Variants in ELFN1 observed in about 807,000 individuals in gnomAD.
ELFN1 encodes extracellular leucine rich repeat and fibronectin type III domain containing 1.
ELFN1 carries 6 observed loss-of-function variants against 7.6 expected under a neutral mutation model. That is an observed-to-expected ratio of 0.79 (90% CI 0.43 to 1.56). ELFN1 has a LOEUF of 1.56. Ranked by LOEUF, ELFN1 falls within the 40% of genes most tolerant of loss-of-function variation. The probability of loss-of-function intolerance (pLI) is 0.01; values close to 1 mark genes in which losing one functional copy is unlikely to be tolerated. For missense variants in ELFN1, 1,169 were observed against 1,232.2 expected (o/e 0.95, Z 0.77); for synonymous variants, 657 against 588.1 (o/e 1.12, Z -1.70).
At chr7:1,667,830 C>G (rs1248317643), upstream of ELFN1, among the ~76,000 whole-genome samples, 1 of 152,130 alleles carries the variant, frequency 6.6e-6, no homozygotes, top group Non-Finnish European at 1.5e-5. The surrounding 1 kb of genome is among the most constrained non-coding windows in gnomAD (Gnocchi z 8.2). Context: ...GGGCCCCGGA[C>G]AGATGTCCTC....
At position 1,688,144 on chromosome 7, in the gene ELFN1, A is replaced by G. The variant is rs1055000251; in HGVS notation, c.-462A>G. The G allele has an allele frequency of 6.7e-6, 1 of 148,708 alleles. No homozygotes were observed. Among genetic ancestry groups the G allele is most frequent in the Non-Finnish European group, 1.5e-5 (1 of 67,696 alleles). The allele number at this position is 148,708 out of a possible 1,614,324, so 9.2% of individuals were successfully genotyped here. ...TACGTTGGTCTCCCAAAGTGCTGGG[A>G]TTACAGGTATGAGCCACTGCACCTG... On this transcript the variant is annotated 5_prime_UTR_variant, in exon 2 of 4. Transcript: ENST00000424383.
At chr7:1,721,740 G>A (rs1410031182) in intron 3 of ELFN1, among the ~76,000 whole-genome samples, 1 of 152,178 alleles carries the variant, frequency 6.6e-6, no homozygotes, top group East Asian at 1.9e-4. Flanking sequence ...CAAAACCATC[G>A]CTCACGATCT....
At chr7:1,676,430 TG>T (rs1778873055) in intron 1 of ELFN1, among the ~76,000 whole-genome samples, 1 of 152,056 alleles carries the variant, frequency 6.6e-6, no homozygotes, top group Admixed American at 6.5e-5. Context: ...TGACCTGAGG[TG>T]GGTCCCTTCC....
chr7:1,679,847 G>A (rs1365191059), intron 1 of ELFN1, among the ~76,000 whole-genome samples: 2 of 152,212 alleles, frequency 1.3e-5, no homozygotes, highest in African/African-American at 2.4e-5. Flanking sequence ...TCCTCTGAAA[G>A]CCCCATTGTG....
At chr7:1,736,906 C>T (rs1367161422) in intron 3 of ELFN1, among the ~76,000 whole-genome samples, 1 of 152,046 alleles carries the variant, frequency 6.6e-6, no homozygotes, top group African/African-American at 2.4e-5. Flanking sequence ...ACTCTCTCCT[C>T]CCACCCCTTC....
intron 3 of ELFN1, among the ~76,000 whole-genome samples, chr7:1,714,220 C>T (rs1779758508): frequency 6.6e-6 from 1 of 152,180 alleles, no homozygotes; most frequent in Admixed American, 6.5e-5. Flanking sequence ...AACCCATCGC[C>T]TGTCTCCAGG....
At chr7:1,675,970 G>T (rs754492144) in intron 1 of ELFN1, among the ~76,000 whole-genome samples, 2 of 152,186 alleles carry the variant, frequency 1.3e-5, no homozygotes, top group Non-Finnish European at 2.9e-5. Context: ...TCTCCTGGGC[G>T]TGGACTCTGG....
chr7:1,700,298 A>G (rs79055096), intron 2 of ELFN1, among the ~76,000 whole-genome samples: 15,606 of 152,258 alleles, frequency 0.1, 836 homozygotes, highest in Middle Eastern at 0.15. Context: ...GACCACAGTC[A>G]GGGTGAAGAC....
chr7:1,721,048 A>G (rs1447255774), intron 3 of ELFN1, among the ~76,000 whole-genome samples: 1 of 152,238 alleles, frequency 6.6e-6, no homozygotes, highest in Admixed American at 6.5e-5. Flanking sequence ...GTTTAATAAC[A>G]TGTTTAAATA....
chr7:1,723,326 CA>C (rs1780081155), intron 3 of ELFN1, among the ~76,000 whole-genome samples: 1 of 152,244 alleles, frequency 6.6e-6, no homozygotes, highest in Admixed American at 6.5e-5. Context: ...TATCGTGACA[CA>C]TTTTGTATAC....
chr7:1,730,939 A>C (rs1343678697), intron 3 of ELFN1, among the ~76,000 whole-genome samples: 1 of 152,220 alleles, frequency 6.6e-6, no homozygotes, highest in Non-Finnish European at 1.5e-5. Context: ...GACTTAATAT[A>C]AAAATTTAAT....
chr7:1,730,485 G>A (rs533740369), intron 3 of ELFN1, among the ~76,000 whole-genome samples: 1 of 152,300 alleles, frequency 6.6e-6, no homozygotes, highest in African/African-American at 2.4e-5. Context: ...ATAAGAATCG[G>A]CCATGATTAT....
intron 3 of ELFN1, among the ~76,000 whole-genome samples, chr7:1,738,478 C>G (rs1269470526): frequency 6.6e-6 from 1 of 152,126 alleles, no homozygotes; most frequent in Non-Finnish European, 1.5e-5. Context: ...TGACATACAC[C>G]TGTAATCCCA....
intron 3 of ELFN1, among the ~76,000 whole-genome samples, chr7:1,717,398 G>A (rs28453774): frequency 0.023 from 3,443 of 152,298 alleles, 141 homozygotes; most frequent in African/African-American, 0.079. Context: ...CGCAGTTCCA[G>A]GCTTGCTCAG....
chr7:1,686,265 C>T (rs1779060782), intron 1 of ELFN1, among the ~76,000 whole-genome samples: 1 of 150,664 alleles, frequency 6.6e-6, no homozygotes, highest in Non-Finnish European at 1.5e-5. Context: ...ATTCATTTTC[C>T]CCTGATGTGT....
At chr7:1,722,424 G>A (rs192018534) in intron 3 of ELFN1, among the ~76,000 whole-genome samples, 21 of 152,028 alleles carry the variant, frequency 1.4e-4, no homozygotes, top group South Asian at 2.1e-4. Context: ...CTGCCACCAC[G>A]CCTGGCTAAT....
intron 3 of ELFN1, among the ~76,000 whole-genome samples, chr7:1,711,541 G>A (rs1359921351): frequency 7.3e-6 from 1 of 136,212 alleles, no homozygotes; most frequent in African/African-American, 2.8e-5. Flanking sequence ...AGAGAGACAT[G>A]GGAAGGAAAA....
intron 3 of ELFN1, among the ~76,000 whole-genome samples, chr7:1,736,465 T>C (rs796537739): frequency 2.2e-4 from 33 of 152,350 alleles, no homozygotes; most frequent in African/African-American, 7.5e-4. Flanking sequence ...GTTGTGATTA[T>C]GCAAATTCAG....
intron 3 of ELFN1, among the ~76,000 whole-genome samples, chr7:1,716,687 C>T (rs780457556): frequency 6.6e-6 from 1 of 152,196 alleles, no homozygotes; most frequent in Non-Finnish European, 1.5e-5. Flanking sequence ...CCCCTGCAAA[C>T]TCAGCCCCAG....
Sources: gnomAD v4.1 joint callset for allele counts (sites outside exome capture counted in the v4.1 genomes callset) on GRCh38, gnomAD v4.1.1 for gene constraint, Gnocchi (gnomAD v3.1) non-coding constraint, MANE v1.5 for transcripts, NCBI Gene and HGNC (gene_info 2026-07-23, HGNC 2026-07-21) for gene names.